SDK1: variants seen among roughly 807,000 people sequenced by gnomAD.
SDK1 encodes the protein protein sidekick-1.
Under a neutral mutation model 245.5 loss-of-function variants are expected in SDK1, and 157 were observed. The ratio of observed to expected loss-of-function variants is 0.64; its 90% CI spans 0.56 to 0.73. The LOEUF (loss-of-function observed/expected upper bound fraction) is 0.73, where lower values mean the gene tolerates loss of function less well. SDK1 is among the 30% of genes least tolerant of loss of function. The pLI, the probability that SDK1 is intolerant of heterozygous loss-of-function variation, is 0.00. For missense variants in SDK1, 3,583 were observed against 3,002.3 expected (o/e 1.19, Z -4.52); for synonymous variants, 1,647 against 1,278.5 (o/e 1.29, Z -6.15).
intron 4 of SDK1, among the ~76,000 whole-genome samples, chr7:3,805,220 T>TAAC: frequency 6.6e-6 from 1 of 152,232 alleles, no homozygotes; most frequent in Non-Finnish European, 1.5e-5. Flanking sequence ...GTGTATCTTG[T>TAAC]ATTCTGAAAC....
At chr7:4,101,011 T>C (rs1444906785) in intron 22 of SDK1, among the ~76,000 whole-genome samples, 5 of 152,036 alleles carry the variant, frequency 3.3e-5, no homozygotes, top group Admixed American at 3.3e-4. Context: ...TATGCGGAGG[T>C]GCACACAGGG....
At chr7:4,017,093 C>T (rs1786464472) in intron 16 of SDK1, 78 bp from the exon 17 acceptor site, 3 of 1,399,384 alleles carry the variant, frequency 2.1e-6, no homozygotes, top group South Asian at 1.4e-5. Context: ...CCCCCTAACC[C>T]TGCGGAATAA....
intron 1 of SDK1, among the ~76,000 whole-genome samples, chr7:3,421,081 T>A (rs1181360692): frequency 2.0e-5 from 3 of 150,736 alleles, no homozygotes; most frequent in Non-Finnish European, 4.4e-5. Flanking sequence ...TAACAGCAAA[T>A]CTGTACTCTC....
intron 35 of SDK1, among the ~76,000 whole-genome samples, chr7:4,193,328 T>C (rs866394031): frequency 7.5e-6 from 1 of 133,138 alleles, no homozygotes; most frequent in Admixed American, 8.5e-5. Flanking sequence ...ATACAATATA[T>C]AAATATATTA....
chr7:3,914,001 G>A (rs1201775876), intron 5 of SDK1, among the ~76,000 whole-genome samples: 1 of 152,170 alleles, frequency 6.6e-6, no homozygotes, highest in Non-Finnish European at 1.5e-5. Flanking sequence ...CTGCTTTTCT[G>A]AAAGCTTCTT....
intron 2 of SDK1, 43 bp from the exon 3 acceptor site, chr7:3,638,961 A>G (rs750086756): frequency 8.1e-7 from 1 of 1,233,044 alleles, no homozygotes; most frequent in South Asian, 1.4e-5. Flanking sequence ...TAACCATGAA[A>G]CACTGGATAT....
At chr7:3,359,503 T>C (rs963682643) in intron 1 of SDK1, among the ~76,000 whole-genome samples, 4 of 152,212 alleles carry the variant, frequency 2.6e-5, no homozygotes, top group Non-Finnish European at 4.4e-5. Context: ...CTTTAGTTTT[T>C]AATTTTTTGA....
chr7:3,954,598 C>T (rs573119428), intron 7 of SDK1, among the ~76,000 whole-genome samples: 29 of 109,754 alleles, frequency 2.6e-4, no homozygotes, highest in African/African-American at 9.5e-4. Flanking sequence ...CTCCGCCCTC[C>T]GTTCCCACCT....
chr7:4,214,418 G>A (rs772409888), intron 38 of SDK1, among the ~76,000 whole-genome samples: 9 of 152,324 alleles, frequency 5.9e-5, no homozygotes, highest in Non-Finnish European at 1.0e-4. Flanking sequence ...AAGACCGTCC[G>A]TCACCAGCCT....
chr7:4,266,795 C>G lies in SDK1; in HGVS notation c.*1411C>G, dbSNP rs1181638723. Reference sequence around the variant, plus strand: ...GCTGGTGCCCACTGGCGTGTGTGCCCCGGGTCCCTGTAAGTGCCCCCTCAC... The same window carrying G: ...GCTGGTGCCCACTGGCGTGTGTGCCGCGGGTCCCTGTAAGTGCCCCCTCAC... On this transcript the variant is annotated 3_prime_UTR_variant, in exon 45 of 45. Transcript: ENST00000404826. 1.0e-5 allele frequency: 10 copies of G among 985,512 alleles called. No individual in the cohort carries two copies. Among genetic ancestry groups the G allele is most frequent in the Non-Finnish European group, 1.2e-5 (10 of 830,010 alleles). 61.0% of individuals were successfully genotyped at this position (985,512 alleles called of 1,614,324 possible).
At chr7:4,245,129 G>C (rs1786766104) in intron 43 of SDK1, among the ~76,000 whole-genome samples, 2 of 152,296 alleles carry the variant, frequency 1.3e-5, no homozygotes, top group South Asian at 4.2e-4. Context: ...GGGATGATGG[G>C]GGTGGGGGCA....
intron 4 of SDK1, among the ~76,000 whole-genome samples, chr7:3,737,617 C>A (rs1779353003): frequency 6.6e-6 from 1 of 152,218 alleles, no homozygotes; most frequent in South Asian, 2.1e-4. Context: ...GGTCAGGCAA[C>A]TCCACTGGCA....
At chr7:3,491,826 A>G (rs1329330696) in intron 1 of SDK1, among the ~76,000 whole-genome samples, 1 of 152,244 alleles carries the variant, frequency 6.6e-6, no homozygotes, top group Non-Finnish European at 1.5e-5. Context: ...ATGTAATCAA[A>G]GTATAAAGTA....
chr7:3,385,975 AT>A (rs1250240180), intron 1 of SDK1, among the ~76,000 whole-genome samples: 18 of 150,292 alleles, frequency 1.2e-4, no homozygotes, highest in East Asian at 3.9e-4. Flanking sequence ...CTCTGCATGG[AT>A]TTTTTTTTTC....
chr7:3,637,405 A>G (rs933654862), intron 2 of SDK1, among the ~76,000 whole-genome samples: 4 of 152,114 alleles, frequency 2.6e-5, no homozygotes, highest in African/African-American at 9.7e-5. Flanking sequence ...CCTCTCCTGT[A>G]TTTTGGATAT....
chr7:3,909,059 T>C (rs1779062767), intron 5 of SDK1, among the ~76,000 whole-genome samples: 1 of 152,204 alleles, frequency 6.6e-6, no homozygotes, highest in African/African-American at 2.4e-5. Flanking sequence ...GCTGTGCCTT[T>C]TGGCCCCCTT....
At chr7:4,125,955 C>T (rs1784369121) in intron 25 of SDK1, among the ~76,000 whole-genome samples, 1 of 152,214 alleles carries the variant, frequency 6.6e-6, no homozygotes, top group African/African-American at 2.4e-5. Flanking sequence ...CTCCATCACT[C>T]CAGGCTATTT....
chr7:4,044,880 T>G (rs1031663082), intron 17 of SDK1, among the ~76,000 whole-genome samples: 3 of 152,212 alleles, frequency 2.0e-5, no homozygotes, highest in African/African-American at 7.2e-5. Flanking sequence ...GACGGAGATA[T>G]GACTATTTCT....
At chr7:3,647,957 T>C (rs1379954817) in intron 4 of SDK1, among the ~76,000 whole-genome samples, 3 of 152,184 alleles carry the variant, frequency 2.0e-5, no homozygotes, top group African/African-American at 7.2e-5. Context: ...GAACAGTATA[T>C]TGAGAGAATT....
Sources: gnomAD v4.1 joint callset for allele counts (sites outside exome capture counted in the v4.1 genomes callset) on GRCh38, gnomAD v4.1.1 for gene constraint, MANE v1.5 for transcripts, NCBI Gene and HGNC (gene_info 2026-07-23, HGNC 2026-07-21) for gene names.